The following THSD7B variants were observed in gnomAD, a reference collection of about 807,000 sequenced individuals.
The protein encoded by THSD7B is thrombospondin type 1 domain containing 7B, also known as thrombospondin type-1 domain-containing protein 7B.
Under a neutral mutation model 213.6 loss-of-function variants are expected in THSD7B, and 138 were observed. The ratio of observed to expected loss-of-function variants is 0.65; its 90% CI spans 0.56 to 0.74. The LOEUF is 0.74. Ranked by LOEUF, THSD7B falls within the 30% of genes least tolerant of loss-of-function variation. The probability of loss-of-function intolerance (pLI) is 0.00; values close to 1 mark genes in which losing one functional copy is unlikely to be tolerated. For synonymous variants in THSD7B, 742 were observed against 687.0 expected (o/e 1.08, Z -1.25); for missense variants, 1,931 against 1,991.5 (o/e 0.97, Z 0.58).
rs1421691702 is a variant in THSD7B at position 137,512,508 on chromosome 2, C to T, written c.3139-50713C>T. 6.6e-5 allele frequency among the ~76,000 whole-genome samples: 10 copies of T among 150,482 alleles called. No individual in the cohort carries two copies. In the East Asian group the frequency reaches 1.8e-3, roughly 27 times the overall value. On this transcript the variant is annotated intron_variant, in intron 15 of 27. Transcript: ENST00000409968. ...CCAGGCTCAAGGGATCCTCCCACCT[C>T]AGCCTCCCGAGCAACTGTGACCACA...
At chr2:137,363,086 T>C (rs945786983) in intron 12 of THSD7B, among the ~76,000 whole-genome samples, 53 of 152,230 alleles carry the variant, frequency 3.5e-4, no homozygotes, top group African/African-American at 1.3e-3. Flanking sequence ...AGAAACTCAC[T>C]CAAAACTGCA....
chr2:137,199,155 A>G (rs903831778), intron 7 of THSD7B, among the ~76,000 whole-genome samples: 27 of 152,160 alleles, frequency 1.8e-4, no homozygotes, highest in African/African-American at 6.0e-4. Flanking sequence ...GTCACTTTCC[A>G]TGTTTAGCTC....
intron 21 of THSD7B, among the ~76,000 whole-genome samples, chr2:137,647,386 G>A (rs1683053191): frequency 6.7e-6 from 1 of 149,964 alleles, no homozygotes; most frequent in African/African-American, 2.5e-5. Context: ...GAAGTTTGAA[G>A]GCCTGAGTCC....
At chr2:137,674,672 G>A (rs773296161) in intron 27 of THSD7B, among the ~76,000 whole-genome samples, 1 of 152,198 alleles carries the variant, frequency 6.6e-6, no homozygotes, top group Non-Finnish European at 1.5e-5. Flanking sequence ...CTGGAAAGCA[G>A]GAAATTGAAG....
At chr2:137,188,036 T>TG (rs1188305366) in intron 7 of THSD7B, among the ~76,000 whole-genome samples, 1 of 152,192 alleles carries the variant, frequency 6.6e-6, no homozygotes, top group Non-Finnish European at 1.5e-5. Context: ...ATTGTTCATC[T>TG]GGTATCTCCA....
intron 1 of THSD7B, among the ~76,000 whole-genome samples, chr2:136,810,557 T>C (rs1327167305): frequency 6.6e-6 from 1 of 152,206 alleles, no homozygotes; most frequent in Non-Finnish European, 1.5e-5. Flanking sequence ...TGGTGTGCTT[T>C]CTCTGAGAAA....
Position 137,141,480 on chromosome 2 carries a change from G to A in THSD7B, c.1370-18733G>A, listed in dbSNP as rs370275139. On this transcript the variant is annotated intron_variant, in intron 5 of 27. Coordinates refer to ENST00000409968, the MANE Select transcript of THSD7B (RefSeq NM_001316349.2). ...TAAAATTGCGTAGAAACACACATGT[G>A]TGCACACACACACTCACACACACAC... is the stretch of plus-strand genomic sequence containing the variant. Among the ~76,000 whole-genome samples the A allele has an allele frequency of 4.1e-5, 4 of 98,540 alleles. No individual in the cohort carries two copies. In the East Asian group the frequency reaches 8.4e-4, roughly 21 times the overall value. 64.6% of individuals were successfully genotyped at this position (98,540 alleles called of 152,430 possible).
intron 1 of THSD7B, among the ~76,000 whole-genome samples, chr2:136,816,111 C>A (rs1269150006): frequency 6.6e-6 from 1 of 152,170 alleles, no homozygotes; most frequent in African/African-American, 2.4e-5. Flanking sequence ...TCTCAAACTC[C>A]TGAGCTCAGA....
At chr2:137,367,338 A>G (rs886249494) in intron 12 of THSD7B, among the ~76,000 whole-genome samples, 6 of 152,174 alleles carry the variant, frequency 3.9e-5, no homozygotes, top group African/African-American at 1.4e-4. Context: ...GAGAGAGGGC[A>G]GAAATCAGAG....
At chr2:137,384,309 C>T (rs1685844997) in intron 12 of THSD7B, among the ~76,000 whole-genome samples, 1 of 152,202 alleles carries the variant, frequency 6.6e-6, no homozygotes. Context: ...TTTTAAAATG[C>T]TTCTTAATTG....
intron 3 of THSD7B, among the ~76,000 whole-genome samples, chr2:137,061,427 CT>C (rs35891504): frequency 0.4 from 58,499 of 146,866 alleles, 13,524 homozygotes; most frequent in African/African-American, 0.65. Flanking sequence ...AAAGGACATT[CT>C]TTTTTTTTTG....
At chr2:137,045,272 CA>C (rs1485103307) in intron 2 of THSD7B, among the ~76,000 whole-genome samples, 1 of 152,012 alleles carries the variant, frequency 6.6e-6, no homozygotes, top group Non-Finnish European at 1.5e-5. Flanking sequence ...TCTGAATTGC[CA>C]GCATCACTAC....
At chr2:137,160,077 G>C (rs1679985795) in intron 5 of THSD7B, 136 bp from the exon 6 acceptor site, 1 of 1,020,892 alleles carries the variant, frequency 9.8e-7, no homozygotes, top group Non-Finnish European at 1.4e-6. Context: ...ATATTAGAAA[G>C]TGTTGATGTT....
At chr2:137,443,422 A>T (rs1018206025) in intron 14 of THSD7B, among the ~76,000 whole-genome samples, 1 of 152,160 alleles carries the variant, frequency 6.6e-6, no homozygotes, top group African/African-American at 2.4e-5. Context: ...TATTCATGTT[A>T]TCTCAATTTG....
At chr2:137,455,653 T>C (rs922804388) in intron 15 of THSD7B, among the ~76,000 whole-genome samples, 1 of 152,234 alleles carries the variant, frequency 6.6e-6, no homozygotes, top group Non-Finnish European at 1.5e-5. Flanking sequence ...ACTTTGAGCA[T>C]GCAGCTTGTC....
In THSD7B at chr2:137,131,979, C is replaced by G. The variant is rs1688740998; in HGVS notation, c.1369+16686C>G. On this transcript the variant is annotated intron_variant, in intron 5 of 27. Transcript: ENST00000409968. ...TGTAAATTACCTTGGGCAGTATGGC[C>G]ATTTTCACGATATTGATTCTTCCTA... Among the ~76,000 whole-genome samples the G allele has an allele frequency of 2.7e-5, 4 of 150,672 alleles. No homozygotes were observed. The South Asian group carries it at 6.4e-4, about 24-fold the overall frequency.
At chr2:136,965,815 T>C (rs2105090647) in intron 2 of THSD7B, among the ~76,000 whole-genome samples, 1 of 152,302 alleles carries the variant, frequency 6.6e-6, no homozygotes, top group Non-Finnish European at 1.5e-5. Flanking sequence ...TTTTATTTTA[T>C]TTTCAGTTTT....
At chr2:137,245,422 A>G (rs901828537) in intron 10 of THSD7B, among the ~76,000 whole-genome samples, 7 of 152,268 alleles carry the variant, frequency 4.6e-5, no homozygotes, top group Admixed American at 3.3e-4. Flanking sequence ...CCTGCTGTGC[A>G]TGAGGTTGGC....
At position 137,273,711 on chromosome 2, in the gene THSD7B, C is replaced by A. The variant is rs77402238; in HGVS notation, c.2396+1049C>A. Among the ~76,000 whole-genome samples the A allele has an allele frequency of 2.0e-5, 3 of 152,068 alleles. 1 individual carries two copies. The East Asian group carries it at 5.8e-4, about 29-fold the overall frequency. The stretch of plus-strand genomic sequence containing the variant: ...CATCCTTTACTTTCATTGTTTTTAT[C>A]TGATGACCAATTTTGGGAGGATGTA... On this transcript the variant is annotated intron_variant, in intron 11 of 27. Coordinates refer to ENST00000409968, the MANE Select transcript of THSD7B (RefSeq NM_001316349.2).
Sources: gnomAD v4.1 joint callset for allele counts (sites outside exome capture counted in the v4.1 genomes callset) on GRCh38, gnomAD v4.1.1 for gene constraint, MANE v1.5 for transcripts, NCBI Gene and HGNC (gene_info 2026-07-23, HGNC 2026-07-21) for gene names.